Variants in FGF14 observed in about 807,000 individuals in gnomAD.
FGF14 encodes the protein fibroblast growth factor 14.
Under a neutral mutation model 25.5 loss-of-function variants are expected in FGF14, and 5 were observed. That is an observed-to-expected ratio of 0.20 (90% CI 0.10 to 0.41). The LOEUF is 0.41. FGF14 is among the 10% of genes least tolerant of loss of function. The pLI is 1.00. For synonymous variants in FGF14, 138 were observed against 118.3 expected (o/e 1.17, Z -1.08); for missense variants, 222 against 320.1 (o/e 0.69, Z 2.34).
intron 1 of FGF14, chr13:102,394,269 GC>G (rs1316937829): frequency 6.6e-6 from 1 of 152,440 alleles, no homozygotes; most frequent in East Asian, 1.9e-4. Flanking sequence ...GACCGGGAGG[GC>G]CAAGGCAGCC....
chr13:101,828,820 T>C (rs12867948), intron 3 of FGF14, among the ~76,000 whole-genome samples: 5,555 of 152,222 alleles, frequency 0.036, 134 homozygotes, highest in Middle Eastern at 0.075. Flanking sequence ...TGATGTGCTG[T>C]GGTTGCATTT....
chr13:101,735,614 C>T (rs979615282), intron 3 of FGF14, among the ~76,000 whole-genome samples: 16 of 149,592 alleles, frequency 1.1e-4, no homozygotes, highest in Non-Finnish European at 1.5e-5. Context: ...ATTAAAGAAA[C>T]ATTGAACAAA....
At chr13:102,064,560 G>A (rs1211439367) in intron 1 of FGF14, among the ~76,000 whole-genome samples, 1 of 151,592 alleles carries the variant, frequency 6.6e-6, no homozygotes, top group East Asian at 1.9e-4. Context: ...TATACTTATG[G>A]GAAAAGCATA....
intron 1 of FGF14, among the ~76,000 whole-genome samples, chr13:101,923,330 G>A (rs907556369): frequency 4.6e-5 from 7 of 152,012 alleles, no homozygotes; most frequent in African/African-American, 1.7e-4. Context: ...CCAATTTGGG[G>A]TGAGCTTCAG....
At chr13:102,204,843 C>T (rs1177021745) in intron 1 of FGF14, among the ~76,000 whole-genome samples, 1 of 152,128 alleles carries the variant, frequency 6.6e-6, no homozygotes, top group Non-Finnish European at 1.5e-5. Context: ...TATGATAAAA[C>T]TTAAGGCAGG....
At chr13:102,028,201 C>T (rs1437078837) in intron 1 of FGF14, among the ~76,000 whole-genome samples, 1 of 152,076 alleles carries the variant, frequency 6.6e-6, no homozygotes, top group Non-Finnish European at 1.5e-5. Context: ...CATGCTTGTG[C>T]TTCCCCCAAA....
chr13:101,968,002 G>A (rs915364893), intron 1 of FGF14, among the ~76,000 whole-genome samples: 16 of 152,176 alleles, frequency 1.1e-4, no homozygotes, highest in African/African-American at 3.9e-4. Context: ...TGGGTCAATG[G>A]TCATGCTGTA....
chr13:102,176,059 A>G (rs1299757777), intron 1 of FGF14, among the ~76,000 whole-genome samples: 1 of 152,146 alleles, frequency 6.6e-6, no homozygotes, highest in Non-Finnish European at 1.5e-5. Flanking sequence ...CAGCAATCCC[A>G]CTACTGGATA....
At chr13:102,008,413 C>T (rs1368503598) in intron 1 of FGF14, among the ~76,000 whole-genome samples, 5 of 152,202 alleles carry the variant, frequency 3.3e-5, no homozygotes, top group African/African-American at 4.8e-5. Context: ...CTCAACAGTG[C>T]TATTCTGCAC....
chr13:102,188,930 G>T (rs2048979528), intron 1 of FGF14, among the ~76,000 whole-genome samples: 1 of 126,182 alleles, frequency 7.9e-6, no homozygotes, highest in Non-Finnish European at 1.7e-5. Flanking sequence ...GACAGAGTGA[G>T]AAAAAAAAGA....
intron 1 of FGF14, among the ~76,000 whole-genome samples, chr13:102,090,114 T>C (rs568171180): frequency 4.1e-4 from 63 of 152,344 alleles, no homozygotes; most frequent in South Asian, 2.1e-3. Flanking sequence ...AAAATCAAAA[T>C]GGACCAATTT....
Position 101,868,809 on chromosome 13 carries a change from T to C in FGF14, c.324A>G (p.Pro108=). The C allele has an allele frequency of 6.2e-7, 1 of 1,613,200 alleles. No homozygotes were observed. Among genetic ancestry groups the C allele is most frequent in the Admixed American group, 1.7e-5 (1 of 59,998 alleles). Residue 108 remains proline, a synonymous_variant, in exon 3 of 5, where the codon CCA becomes CCG. Transcript: ENST00000376143. ...STNSTLFNLI[P]VGLRVVAIQG... ...GGATGGCAACAACACGTAGTCCCAC[T>C]GGTATGAGGTTGAAGAGTGCTGTGA...
chr13:102,090,015 C>G (rs946980156), intron 1 of FGF14, among the ~76,000 whole-genome samples: 1 of 152,098 alleles, frequency 6.6e-6, no homozygotes, highest in Admixed American at 6.5e-5. Flanking sequence ...TGGCAACAGA[C>G]CCTGTTGAAT....
At chr13:102,196,508 G>A (rs1216946515) in intron 1 of FGF14, among the ~76,000 whole-genome samples, 1 of 151,928 alleles carries the variant, frequency 6.6e-6, no homozygotes, top group African/African-American at 2.4e-5. Context: ...AACAGCCTCT[G>A]GTAAAGAAAA....
At chr13:102,134,057 T>C (rs2046310880) in intron 1 of FGF14, among the ~76,000 whole-genome samples, 1 of 152,220 alleles carries the variant, frequency 6.6e-6, no homozygotes, top group Non-Finnish European at 1.5e-5. Context: ...TTAAAACACA[T>C]ATGTTATATG....
At chr13:101,819,943 A>G (rs1001673809) in intron 3 of FGF14, among the ~76,000 whole-genome samples, 1 of 152,204 alleles carries the variant, frequency 6.6e-6, no homozygotes, top group Non-Finnish European at 1.5e-5. Flanking sequence ...AAAGGATGGT[A>G]CATGAGCCTC....
intron 3 of FGF14, among the ~76,000 whole-genome samples, chr13:101,820,806 AACAC>A (rs978335005): frequency 1.3e-4 from 11 of 83,832 alleles, no homozygotes; most frequent in Non-Finnish European, 2.4e-4. Context: ...ACACACACAC[AACAC>A]ACACACACAC....
intron 3 of FGF14, among the ~76,000 whole-genome samples, chr13:101,832,373 A>G (rs1374685568): frequency 6.6e-6 from 1 of 152,088 alleles, no homozygotes; most frequent in Non-Finnish European, 1.5e-5. Flanking sequence ...GTTTTAAGCC[A>G]TGAATTTTGT....
chr13:102,300,938 T>C (rs28530591), intron 1 of FGF14, among the ~76,000 whole-genome samples: 6,290 of 76,954 alleles, frequency 0.082, 338 homozygotes, highest in African/African-American at 0.2. Flanking sequence ...CACACACACA[T>C]ACACACACAC....
Sources: gnomAD v4.1 joint callset for allele counts (sites outside exome capture counted in the v4.1 genomes callset) on GRCh38, gnomAD v4.1.1 for gene constraint, MANE v1.5 for transcripts, NCBI Gene and HGNC (gene_info 2026-07-23, HGNC 2026-07-21) for gene names.